Variants in NSG2 observed in about 807,000 individuals in gnomAD.
NSG2 encodes neuronal vesicle trafficking associated 2, also known as neuronal vesicle trafficking-associated protein 2.
In NSG2, 4 loss-of-function variants were observed where a neutral mutation model predicts 16.9. The observed-to-expected ratio is 0.24, with a 90% CI of 0.12 to 0.54. The LOEUF (loss-of-function observed/expected upper bound fraction) is 0.54, where lower values mean the gene tolerates loss of function less well. Among genes scored for constraint, NSG2 ranks in the 20% least tolerant of loss-of-function variants. NSG2 has a pLI of 0.95. For missense variants in NSG2, 179 were observed against 221.1 expected, an observed-to-expected ratio of 0.81 and a Z score of 1.21; for synonymous variants, 98 against 88.7, an observed-to-expected ratio of 1.11 and a Z score of -0.59.
At chr5:174,083,951 T>A (rs1362752580) in intron 3 of NSG2, 2 of 152,238 alleles carry the variant, frequency 1.3e-5, no homozygotes, top group East Asian at 1.9e-4. Flanking sequence ...GGGCCATTTG[T>A]GTGTCTTCTG....
At chr5:174,084,161 A>G (rs1052994618) in intron 3 of NSG2, 2 of 152,100 alleles carry the variant, frequency 1.3e-5, no homozygotes, top group African/African-American at 4.8e-5. Flanking sequence ...TTTCTCATCT[A>G]TAAAATGGGA....
Position 174,108,939 on chromosome 5 carries a change from T to G in NSG2, c.*1434T>G, listed in dbSNP as rs1394002041. 6.5e-6 allele frequency: 1 copy of G among 152,764 alleles called. No individual in the cohort carries two copies. Among genetic ancestry groups the G allele is most frequent in the African/African-American group, 2.4e-5 (1 of 41,432 alleles). The allele number at this position is 152,764 out of a possible 1,614,324, so 9.5% of individuals were successfully genotyped here. ...AATAAGACTAGCATAGCTCAAACTA[T>G]CCTGCCAAACGCTCTCATCTGATTT... On this transcript the variant is annotated 3_prime_UTR_variant, in exon 5 of 5. Coordinates refer to ENST00000303177, the MANE Select transcript of NSG2 (RefSeq NM_015980.5).
chr5:174,050,964 C>T lies in NSG2; in HGVS notation c.129+4080C>T, dbSNP rs75695796. On this transcript the variant is annotated intron_variant, in intron 2 of 4. Transcript: ENST00000303177. Reference sequence around the variant, plus strand: ...CTGCATCTCCTCACCCCACAACATCCCATCCCTGAATCTTGACCTTGCCAC... The same window carrying T: ...CTGCATCTCCTCACCCCACAACATCTCATCCCTGAATCTTGACCTTGCCAC... Among the ~76,000 whole-genome samples, 627 of 152,280 alleles carry T rather than the reference C, an allele frequency of 4.1e-3. 28 individuals carry two copies. In the East Asian group the frequency reaches 0.089, roughly 22 times the overall value.
intron 3 of NSG2, among the ~76,000 whole-genome samples, chr5:174,066,989 CAAAAAAAAAA>C (rs543368373): frequency 4.8e-3 from 133 of 27,940 alleles, no homozygotes; most frequent in Middle Eastern, 0.038. Context: ...GACTCTGTCT[CAAAAAAAAAA>C]AAAAAAAAAA....
intron 3 of NSG2, among the ~76,000 whole-genome samples, chr5:174,082,987 A>G (rs1760512304): frequency 6.6e-6 from 1 of 152,086 alleles, no homozygotes; most frequent in East Asian, 1.9e-4. Flanking sequence ...TCTGAACCTT[A>G]TGCTCCTTCC....
At chr5:174,061,353 C>G (rs572179547) in intron 2 of NSG2, among the ~76,000 whole-genome samples, 1 of 152,172 alleles carries the variant, frequency 6.6e-6, no homozygotes, top group Admixed American at 6.5e-5. Context: ...CACAAAGCAC[C>G]TGCATGTATG....
chr5:174,096,669 C>T (rs1760798239), intron 3 of NSG2, among the ~76,000 whole-genome samples: 1 of 151,962 alleles, frequency 6.6e-6, no homozygotes, highest in East Asian at 1.9e-4. Flanking sequence ...GAGGCTGCTG[C>T]ACCCAGGGGA....
rs75521662 is a variant in NSG2 at position 174,088,688 on chromosome 5, C to T, written c.214-15540C>T. Among the ~76,000 whole-genome samples the T allele has an allele frequency of 4.5e-3, 692 of 152,296 alleles. 5 individuals carry two copies. Among genetic ancestry groups the T allele is most frequent in the Non-Finnish European group, 6.7e-3 (459 of 68,022 alleles). Reference sequence around the variant, plus strand: ...CTCTGGGCACCTGCTCTATGCCAGGCGCTGGGCTTGGCATTTCCACACAAT... The same window carrying T: ...CTCTGGGCACCTGCTCTATGCCAGGTGCTGGGCTTGGCATTTCCACACAAT... On this transcript the variant is annotated intron_variant, in intron 3 of 4. Coordinates refer to ENST00000303177, the MANE Select transcript of NSG2 (RefSeq NM_015980.5).
At chr5:174,092,493 T>C (rs1256422319) in intron 3 of NSG2, among the ~76,000 whole-genome samples, 2 of 152,132 alleles carry the variant, frequency 1.3e-5, no homozygotes, top group Non-Finnish European at 2.9e-5. Context: ...TGTCAGTTGG[T>C]TGGGGAGGAC....
intron 3 of NSG2, among the ~76,000 whole-genome samples, chr5:174,093,279 C>T (rs914606827): frequency 1.3e-5 from 2 of 152,158 alleles, no homozygotes; most frequent in African/African-American, 4.8e-5. Context: ...AAGGCATTCC[C>T]GGGAAAGGCT....
intron 3 of NSG2, among the ~76,000 whole-genome samples, chr5:174,094,416 C>A (rs1363462582): frequency 6.6e-6 from 1 of 152,150 alleles, no homozygotes; most frequent in African/African-American, 2.4e-5. Flanking sequence ...ATCTTCACAG[C>A]AATCCTATGG....
chr5:174,080,529 C>CTTTCTTTCTTTCTT (rs1561668646), intron 3 of NSG2, among the ~76,000 whole-genome samples: 2,082 of 102,532 alleles, frequency 0.02, 71 homozygotes, highest in African/African-American at 0.084. Context: ...CTTTCTTTCT[C>CTTTCTTTCTTTCTT]TCTCTCTCTC....
chr5:174,074,535 C>T (rs150644994), intron 3 of NSG2, among the ~76,000 whole-genome samples: 1 of 152,202 alleles, frequency 6.6e-6, no homozygotes, highest in Non-Finnish European at 1.5e-5. Context: ...CACCCCTTCA[C>T]GCAATATGAG....
intron 2 of NSG2, among the ~76,000 whole-genome samples, chr5:174,054,174 T>A (rs996569983): frequency 6.6e-6 from 1 of 152,236 alleles, no homozygotes; most frequent in African/African-American, 2.4e-5. Flanking sequence ...TTAAAGAGAA[T>A]GGTGTGGAGT....
At chr5:174,080,634 T>C (rs1226407924) in intron 3 of NSG2, among the ~76,000 whole-genome samples, 1 of 151,914 alleles carries the variant, frequency 6.6e-6, no homozygotes, top group Non-Finnish European at 1.5e-5. Context: ...TGATCTTGGC[T>C]CACTGCAACC....
At chr5:174,064,528 G>A (rs1760109223) in intron 3 of NSG2, 4 of 388,042 alleles carry the variant, frequency 1.0e-5, no homozygotes, top group Non-Finnish European at 1.8e-5. Flanking sequence ...CGTGTACTCT[G>A]GAATGTTCTG....
At chr5:174,091,160 T>C (rs1455711738) in intron 3 of NSG2, 2 of 150,664 alleles carry the variant, frequency 1.3e-5, no homozygotes, top group Non-Finnish European at 2.9e-5. Context: ...GAGATGGTAA[T>C]GCAGGCTGTG....
intron 2 of NSG2, among the ~76,000 whole-genome samples, chr5:174,055,789 C>T (rs970192320): frequency 5.9e-5 from 9 of 152,138 alleles, no homozygotes; most frequent in Non-Finnish European, 8.8e-5. Flanking sequence ...GACCTGCTTC[C>T]GACTCAGTCT....
chr5:174,098,335 C>T (rs1205319630), intron 3 of NSG2, among the ~76,000 whole-genome samples: 1 of 152,132 alleles, frequency 6.6e-6, no homozygotes, highest in African/African-American at 2.4e-5. Flanking sequence ...ACCAGGGCTG[C>T]CTCTGTGGGG....
Sources: allele counts gnomAD v4.1 joint callset (sites outside exome capture counted in the v4.1 genomes callset), GRCh38; gene constraint gnomAD v4.1.1; transcripts MANE v1.5; gene names NCBI Gene and HGNC (gene_info 2026-07-23, HGNC 2026-07-21).